The following FARP1 variants were observed in gnomAD, a reference collection of about 807,000 sequenced individuals.
FARP1 encodes the protein FERM, ARHGEF and pleckstrin domain-containing protein 1.
In FARP1, 52 loss-of-function variants were observed where a neutral mutation model predicts 128.8. The ratio of observed to expected loss-of-function variants is 0.40; its 90% CI spans 0.32 to 0.51. The LOEUF (loss-of-function observed/expected upper bound fraction) is 0.51. Among genes scored for constraint, FARP1 ranks in the 20% least tolerant of loss-of-function variants. The probability of loss-of-function intolerance (pLI) is 0.45; values close to 1 mark genes in which losing one functional copy is unlikely to be tolerated. For missense variants in FARP1, 1,333 were observed against 1,367.9 expected (o/e 0.97, Z 0.40); for synonymous variants, 580 against 551.8 (o/e 1.05, Z -0.72).
chr13:98,208,315 GAAAA>G (rs547241664), intron 1 of FARP1, among the ~76,000 whole-genome samples: 11,188 of 129,590 alleles, frequency 0.086, 474 homozygotes, highest in Non-Finnish European at 0.11. Flanking sequence ...CTACTGGGGA[GAAAA>G]AAAAAAAAAA....
intron 13 of FARP1, chr13:98,396,203 C>G (rs1450982382): frequency 2.3e-5 from 9 of 398,948 alleles, no homozygotes; most frequent in African/African-American, 8.2e-5. Context: ...AATGGCACAC[C>G]CCCCATGGGT....
intron 2 of FARP1, among the ~76,000 whole-genome samples, chr13:98,302,023 A>T (rs1885948379): frequency 6.6e-6 from 1 of 152,030 alleles, no homozygotes; most frequent in South Asian, 2.1e-4. Flanking sequence ...GTGTAGACAC[A>T]CCTCAAAATT....
chr13:98,410,774 T>C lies in FARP1; in HGVS notation c.1643T>C (p.Val548Ala), dbSNP rs1891160128. ...TDKAYFIAKE[V>A]STTERTYLKD... ...AAAGCGTACTTCATAGCTAAGGAAG[T>C]GTCTACCACCGAGCGAACATATCTG... Residue 548 changes from valine to alanine, a missense_variant, in exon 15 of 27, where the codon GTG (valine) becomes GCG (alanine). Physicochemically the swap from Val to Ala is moderately conservative, Grantham distance 64. This residue lies in a region of FARP1 where 1,009 missense variants were observed against 969.8 expected (regional missense o/e 1.04). Coordinates refer to ENST00000319562, the MANE Select transcript of FARP1 (RefSeq NM_005766.4). 6.2e-7 allele frequency: 1 copy of C among 1,606,018 alleles called. No homozygotes were observed. Among genetic ancestry groups the C allele is most frequent in the Non-Finnish European group, 8.5e-7 (1 of 1,174,616 alleles).
In FARP1 at chr13:98,384,983, G is replaced by T. The variant is rs979003520; in HGVS notation, c.611+139G>T. 23 of 620,872 alleles carry T rather than the reference G, an allele frequency of 3.7e-5. 1 individual carries two copies. The highest frequency in any genetic ancestry group is 3.6e-4 in the South Asian group (18 of 50,330). The allele number at this position is 620,872 out of a possible 1,614,324, so 38.5% of individuals were successfully genotyped here. ...AGCGTGAGGAAAGAAGATCACAGAG[G>T]CTCATTGGGATGTGGTGATTCATCC... On this transcript the variant is annotated intron_variant, in intron 7 of 26. Transcript: ENST00000319562.
chr13:98,211,334 C>G (rs1331311957), intron 1 of FARP1, among the ~76,000 whole-genome samples: 1 of 152,188 alleles, frequency 6.6e-6, no homozygotes, highest in Admixed American at 6.5e-5. Flanking sequence ...GGAGCACAGA[C>G]CCTGTTGGGA....
chr13:98,350,829 C>T (rs554144358), intron 3 of FARP1, among the ~76,000 whole-genome samples: 34 of 152,220 alleles, frequency 2.2e-4, no homozygotes, highest in South Asian at 1.5e-3. Context: ...TGCCAATTAA[C>T]CAATCCAGAG....
chr13:98,411,345 G>A (rs990096274), intron 15 of FARP1, among the ~76,000 whole-genome samples: 4 of 152,158 alleles, frequency 2.6e-5, no homozygotes, highest in African/African-American at 9.7e-5. Flanking sequence ...CAATTGGGAG[G>A]GAAATTGGGA....
At chr13:98,345,619 T>A (rs2139884191) in intron 3 of FARP1, 1 of 152,248 alleles carries the variant, frequency 6.6e-6, no homozygotes. Context: ...AATAAGTAAG[T>A]GTTTGTCACA....
At chr13:98,408,118 T>G (rs1891048147) in intron 13 of FARP1, among the ~76,000 whole-genome samples, 1 of 152,162 alleles carries the variant, frequency 6.6e-6, no homozygotes, top group South Asian at 2.1e-4. Flanking sequence ...TATTTTAACT[T>G]TGCTTACCTC....
At chr13:98,424,457 G>A in intron 16 of FARP1, 115 bp from the exon 17 acceptor site, 1 of 718,930 alleles carries the variant, frequency 1.4e-6, no homozygotes, top group Non-Finnish European at 2.6e-6. Flanking sequence ...AAGAAGTTCA[G>A]GAGATGTCCG....
At chr13:98,243,416 C>T (rs1882884627) in intron 2 of FARP1, among the ~76,000 whole-genome samples, 1 of 152,008 alleles carries the variant, frequency 6.6e-6, no homozygotes, top group Admixed American at 6.6e-5. Context: ...ATCTGTATGG[C>T]CGGGCACGGT....
chr13:98,152,864 T>C (rs978834107), intron 1 of FARP1, among the ~76,000 whole-genome samples: 15 of 152,202 alleles, frequency 9.9e-5, no homozygotes, highest in African/African-American at 3.6e-4. Context: ...CAACTGAGTC[T>C]ACATGAATTT....
rs185337329 is a variant in FARP1 at position 98,167,575 on chromosome 13, A to G, written c.-24+24083A>G. 2.2e-3 allele frequency among the ~76,000 whole-genome samples: 335 copies of G among 151,686 alleles called. 1 individual carries two copies. The highest frequency in any genetic ancestry group is 0.01 in the Middle Eastern group (3 of 294). On this transcript the variant is annotated intron_variant, in intron 1 of 26. Coordinates refer to ENST00000319562, the MANE Select transcript of FARP1 (RefSeq NM_005766.4). ...TAGGTGTCGACCACCACGCCCAGCTAATTTTTGTATTTTTAGTAGAGCTAG... is the reference window on the plus strand; with the variant it reads ...TAGGTGTCGACCACCACGCCCAGCTGATTTTTGTATTTTTAGTAGAGCTAG...
chr13:98,411,577 T>C (rs1031745689), intron 15 of FARP1, among the ~76,000 whole-genome samples: 2 of 152,198 alleles, frequency 1.3e-5, no homozygotes, highest in Non-Finnish European at 1.5e-5. Flanking sequence ...TGGTCATAAA[T>C]TAGTGGTTAT....
chr13:98,245,383 CAG>C, intron 2 of FARP1: 2 of 982,080 alleles, frequency 2.0e-6, no homozygotes, highest in East Asian at 1.1e-4. Context: ...AATGAGAAAA[CAG>C]ATTTTCAGCT....
At chr13:98,371,195 G>C (rs1889310736) in intron 5 of FARP1, among the ~76,000 whole-genome samples, 1 of 148,218 alleles carries the variant, frequency 6.7e-6, no homozygotes, top group South Asian at 2.2e-4. Context: ...CACAAATCCT[G>C]TATCCCCTCA....
intron 2 of FARP1, among the ~76,000 whole-genome samples, chr13:98,312,061 G>T (rs1405534664): frequency 6.7e-6 from 1 of 148,384 alleles, no homozygotes; most frequent in Non-Finnish European, 1.5e-5. Flanking sequence ...TGGCCAGGCT[G>T]GTCTTGAACT....
At chr13:98,319,986 C>T (rs1397124737) in intron 2 of FARP1, among the ~76,000 whole-genome samples, 4 of 152,164 alleles carry the variant, frequency 2.6e-5, no homozygotes, top group Non-Finnish European at 5.9e-5. Context: ...AATTGATCCT[C>T]ACATTATGGG....
chr13:98,291,456 A>G (rs980092527), intron 2 of FARP1, among the ~76,000 whole-genome samples: 1 of 152,128 alleles, frequency 6.6e-6, no homozygotes, highest in African/African-American at 2.4e-5. Context: ...TCAGAGGCCA[A>G]ATGTATTTGG....
Sources: allele counts gnomAD v4.1 joint callset (sites outside exome capture counted in the v4.1 genomes callset), GRCh38; gene constraint gnomAD v4.1.1; regional missense constraint gnomAD v4.1.1; transcripts MANE v1.5; gene names NCBI Gene and HGNC (gene_info 2026-07-23, HGNC 2026-07-21).